Variants in SLC39A3 observed in about 807,000 individuals in gnomAD.
The protein encoded by SLC39A3 is zinc transporter ZIP3.
Under a neutral mutation model 5.1 loss-of-function variants are expected in SLC39A3, and 3 were observed. The observed-to-expected ratio is 0.59, with a 90% confidence interval of 0.27 to 1.54. The LOEUF (loss-of-function observed/expected upper bound fraction) is 1.54, where lower values mean the gene tolerates loss of function less well. SLC39A3 is among the 40% of genes most tolerant of loss of function. SLC39A3 has a pLI of 0.12. For missense variants in SLC39A3, 412 were observed against 436.4 expected (o/e 0.94, Z 0.50); for synonymous variants, 250 against 218.8 (o/e 1.14, Z -1.26).
Position 2,734,340 on chromosome 19 carries a change from T to C in SLC39A3, c.211-855A>G, listed in dbSNP as rs117025281. The stretch of plus-strand genomic sequence containing the variant: ...TCACAACACAATCGACACTCAACAA[T>C]GCCTGCTTCCCTGCTTCCTTCCCAG... On this transcript the variant is annotated intron_variant, in intron 2 of 2. Coordinates refer to ENST00000269740, the MANE Select transcript of SLC39A3 (RefSeq NM_144564.5). This position sits in a 1 kb window ranked among gnomAD's most constrained non-coding sequence, Gnocchi z 4.6. 4.0e-3 allele frequency among the ~76,000 whole-genome samples: 603 copies of C among 152,248 alleles called. 2 individuals carry two copies. Among genetic ancestry groups the C allele is most frequent in the Non-Finnish European group, 7.7e-3 (522 of 68,014 alleles).
chr19:2,737,531 T>G, intron 1 of SLC39A3, 152 bp from the exon 2 acceptor site: 1 of 450,040 alleles, frequency 2.2e-6, no homozygotes, highest in South Asian at 2.8e-5. Flanking sequence ...TTCTCCTGCC[T>G]AGTAGCTGGG....
rs1272836652 is a variant in SLC39A3 at position 2,733,024 on chromosome 19, C to T, written c.672G>A (p.Met224Ile). The T allele has an allele frequency of 5.0e-6, 8 of 1,605,378 alleles. No homozygotes were observed. In the African/African-American group the frequency reaches 6.7e-5, roughly 13 times the overall value. The change falls in exon 3 of 3, where the codon ATG becomes ATA. Residue 224 changes from methionine to isoleucine, a missense_variant. Met to Ile is a conservative substitution (Grantham distance 10). Transcript: ENST00000269740. This position sits in a 1 kb window ranked among gnomAD's most constrained non-coding sequence, Gnocchi z 6.1. ...ALGISMARSA[M>I]PLRDAAKLAV... is the part of the protein sequence containing the mutation. The stretch of plus-strand genomic sequence containing the variant: ...CCAGCTTGGCCGCGTCCCGCAGGGG[C>T]ATGGCACTCCGGGCCATGCTGATGC...
Position 2,734,715 on chromosome 19 carries a change from C to G in SLC39A3, c.211-1230G>C. On this transcript the variant is annotated intron_variant, in intron 2 of 2. Coordinates refer to ENST00000269740, the MANE Select transcript of SLC39A3 (RefSeq NM_144564.5). This position sits in a 1 kb window ranked among gnomAD's most constrained non-coding sequence, Gnocchi z 4.6. Reference sequence around the variant, plus strand: ...CAACCACAATGTCCCCAGGCATCGCCCAGTGTTCCCTGGGGGCAGTTCACG... The same window carrying G: ...CAACCACAATGTCCCCAGGCATCGCGCAGTGTTCCCTGGGGGCAGTTCACG... 1.0e-6 allele frequency: 1 copy of G among 984,478 alleles called. No individual in the cohort carries two copies. Among genetic ancestry groups the G allele is most frequent in the Non-Finnish European group, 1.2e-6 (1 of 829,046 alleles). 61.0% of individuals were successfully genotyped at this position (984,478 alleles called of 1,614,324 possible).
chr19:2,734,566 G>A lies in SLC39A3; in HGVS notation c.211-1081C>T, dbSNP rs1914300183. 1 of 186,812 alleles carries A rather than the reference G, an allele frequency of 5.4e-6. No homozygotes were observed. Among genetic ancestry groups the A allele is most frequent in the Non-Finnish European group, 1.0e-5 (1 of 99,486 alleles). 11.6% of individuals were successfully genotyped at this position (186,812 alleles called of 1,614,324 possible). ...TTTATTTTCACAACTCGGGTAGGGG[G>A]AAGGTGCTGACATTCGGGGCTGGAT... On this transcript the variant is annotated intron_variant, in intron 2 of 2. Coordinates refer to ENST00000269740, the MANE Select transcript of SLC39A3 (RefSeq NM_144564.5). The surrounding 1 kb of genome is among the most constrained non-coding windows in gnomAD (Gnocchi z 4.6).
rs1011504130 is a variant in SLC39A3, at chr19:2,734,079, G to A, written c.211-594C>T. Among the ~76,000 whole-genome samples, 1 of 152,230 alleles carries A rather than the reference G, an allele frequency of 6.6e-6. No homozygotes were observed. Among genetic ancestry groups the A allele is most frequent in the Non-Finnish European group, 1.5e-5 (1 of 68,042 alleles). ...TAGCGAGGGGAGACTTTGGTGGGGAGAAACTAGACGTGGGTCAGACGGGAG... is the reference window on the plus strand; with the variant it reads ...TAGCGAGGGGAGACTTTGGTGGGGAAAAACTAGACGTGGGTCAGACGGGAG... On this transcript the variant is annotated intron_variant, in intron 2 of 2. Coordinates refer to ENST00000269740, the MANE Select transcript of SLC39A3 (RefSeq NM_144564.5). This position sits in a 1 kb window ranked among gnomAD's most constrained non-coding sequence, Gnocchi z 4.6.
At position 2,732,910 on chromosome 19, in the gene SLC39A3, G is replaced by A. The variant is rs200692716; in HGVS notation, c.786C>T (p.Ser262=). 1.2e-5 allele frequency: 19 copies of A among 1,611,376 alleles called. No individual in the cohort carries two copies. Among genetic ancestry groups the A allele is most frequent in the Middle Eastern group, 3.3e-4 (2 of 6,056 alleles). ...SAQGVPGSVA[S]VLLQGLAGGT... ...CGCCCGCCAGGCCCTGCAGCAGCAC[G>A]GACGCCACGCTGCCCGGCACGCCCT... is the stretch of plus-strand genomic sequence containing the variant. The change falls in exon 3 of 3, where the codon TCC becomes TCT. Residue 262 remains serine, a synonymous_variant. Coordinates refer to ENST00000269740, the MANE Select transcript of SLC39A3 (RefSeq NM_144564.5).
At chr19:2,736,164 T>C in intron 2 of SLC39A3, 1 of 985,538 alleles carries the variant, frequency 1.0e-6, no homozygotes, top group South Asian at 4.7e-5. Flanking sequence ...CAGCAGAGGA[T>C]GATGCTGTCA....
At position 2,735,681 on chromosome 19, in the gene SLC39A3, A is replaced by T; in HGVS notation, c.210+1367T>A. 1 of 285,270 alleles carries T rather than the reference A, an allele frequency of 3.5e-6. No homozygotes were observed. The highest frequency in any genetic ancestry group is 5.3e-6 in the Non-Finnish European group (1 of 190,136). The allele number at this position is 285,270 out of a possible 1,614,324, so 17.7% of individuals were successfully genotyped here. On this transcript the variant is annotated intron_variant, in intron 2 of 2. Transcript: ENST00000269740. This position sits in a 1 kb window ranked among gnomAD's most constrained non-coding sequence, Gnocchi z 5.7. Reference sequence around the variant, plus strand: ...ATCTGGGGCGGTCATCACAGCTGCAACATCCCCTCTGCTGGGATTCTGACA... The same window carrying T: ...ATCTGGGGCGGTCATCACAGCTGCATCATCCCCTCTGCTGGGATTCTGACA...
At chr19:2,736,766 G>T in intron 2 of SLC39A3, 1 of 1,439,298 alleles carries the variant, frequency 6.9e-7, no homozygotes. Flanking sequence ...TCAGGACAGA[G>T]TGTGCCCTAC....
Position 2,732,670 on chromosome 19 carries a change from G to GA in SLC39A3, c.*80dup. 1 of 1,433,440 alleles carries GA rather than the reference G, an allele frequency of 7.0e-7. No individual in the cohort carries two copies. The highest frequency in any genetic ancestry group is 1.7e-5 in the African/African-American group (1 of 58,980). The allele number at this position is 1,433,440 out of a possible 1,614,324, so 88.8% of individuals were successfully genotyped here. ...AGGGCCACAGTGCTCGCTCTTGGGG[G>GA]ACGCGCGGCCGGGGGACGCGGCCTG... On this transcript the variant is annotated 3_prime_UTR_variant, in exon 3 of 3. Coordinates refer to ENST00000269740, the MANE Select transcript of SLC39A3 (RefSeq NM_144564.5).
In SLC39A3 at chr19:2,737,118, C is replaced by CAG. The variant is rs1465649714; in HGVS notation, c.138_139dup (p.Cys47SerfsTer22). The CAG allele has an allele frequency of 6.2e-7, 1 of 1,614,184 alleles. No individual in the cohort carries two copies. The highest frequency in any genetic ancestry group is 8.5e-7 in the Non-Finnish European group (1 of 1,180,028). On this transcript the variant is annotated frameshift_variant, in exon 2 of 3. Transcript: ENST00000269740. LOFTEE classifies it high-confidence loss of function. Reference sequence around the variant, plus strand: ...AAACACCCCTCCTCCAAAGGTGTTGCAGAGAGAGAGGATCTTTTTCGAGCG... The same window carrying CAG: ...AAACACCCCTCCTCCAAAGGTGTTGCAGAGAGAGAGAGGATCTTTTTCGAGCG...
Position 2,735,745 on chromosome 19 carries a change from C to T in SLC39A3, c.210+1303G>A. On this transcript the variant is annotated intron_variant, in intron 2 of 2. Transcript: ENST00000269740. This position sits in a 1 kb window ranked among gnomAD's most constrained non-coding sequence, Gnocchi z 5.7. ...GACACGCACGGCAGTCCCAGCCCTA[C>T]CCACACTCGAGGGGAGGGAAGAGCA... The T allele has an allele frequency of 1.4e-6, 1 of 738,362 alleles. No individual in the cohort carries two copies. The highest frequency in any genetic ancestry group is 1.7e-6 in the Non-Finnish European group (1 of 605,020). The allele number at this position is 738,362 out of a possible 1,614,324, so 45.7% of individuals were successfully genotyped here. A position where few individuals can be genotyped will look rare whatever the true frequency, so the allele number is the denominator to read the frequency against.
chr19:2,733,118 T>C lies in SLC39A3; in HGVS notation c.578A>G (p.Glu193Gly). The stretch of plus-strand genomic sequence containing the variant: ...GAACAGGCTCACCACTTTCTCCCCC[T>C]CCTCCTGCAGGCCCAGGGCCAGGCC... ...FEGLALGLQEEGEKVVSLFVG... is the reference protein window; with the variant it reads ...FEGLALGLQEGGEKVVSLFVG... Residue 193 changes from glutamate to glycine, a missense_variant, in exon 3 of 3, where the codon GAG becomes GGG. By Grantham distance (98) the Glu-to-Gly change is moderately conservative. Coordinates refer to ENST00000269740, the MANE Select transcript of SLC39A3 (RefSeq NM_144564.5). The surrounding 1 kb of genome is among the most constrained non-coding windows in gnomAD (Gnocchi z 6.1). The C allele has an allele frequency of 1.2e-6, 2 of 1,609,514 alleles. No homozygotes were observed. The highest frequency in any genetic ancestry group is 2.7e-5 in the African/African-American group (2 of 74,420).
rs975669105 is a variant in SLC39A3 at position 2,735,984 on chromosome 19, C to T, written c.210+1064G>A. ...GAAGAACAGGGGGTCCTCATATCTC[C>T]ACCAAGTATGTAACCAACACAAATT... is the stretch of plus-strand genomic sequence containing the variant. On this transcript the variant is annotated intron_variant, in intron 2 of 2. Coordinates refer to ENST00000269740, the MANE Select transcript of SLC39A3 (RefSeq NM_144564.5). The surrounding 1 kb of genome is among the most constrained non-coding windows in gnomAD (Gnocchi z 5.7). 1 of 985,340 alleles carries T rather than the reference C, an allele frequency of 1.0e-6. No homozygotes were observed. Among genetic ancestry groups the T allele is most frequent in the African/African-American group, 1.7e-5 (1 of 57,244 alleles). 61.0% of individuals were successfully genotyped at this position (985,340 alleles called of 1,614,324 possible).
chr19:2,732,545 AAAG>A lies in SLC39A3; in HGVS notation c.*203_*205del. On this transcript the variant is annotated 3_prime_UTR_variant, in exon 3 of 3. Transcript: ENST00000269740. ...CAGCTTTGGTAAAGACTTTTAAGAG[AAAG>A]AAGTATTTTAAAAAGTAGCAGTGCT... 4 of 1,427,342 alleles carry A rather than the reference AAAG, an allele frequency of 2.8e-6. No homozygotes were observed. Among genetic ancestry groups the A allele is most frequent in the Non-Finnish European group, 3.7e-6 (4 of 1,095,358 alleles). The allele number at this position is 1,427,342 out of a possible 1,614,324, so 88.4% of individuals were successfully genotyped here. A position where few individuals can be genotyped will look rare whatever the true frequency, so the allele number is the denominator to read the frequency against.
chr19:2,738,482 G>C (rs111311797), intron 1 of SLC39A3, among the ~76,000 whole-genome samples: 5,373 of 152,204 alleles, frequency 0.035, 142 homozygotes, highest in Non-Finnish European at 0.053. Flanking sequence ...TCCTTTCTGT[G>C]CCAAGCTTGC....
chr19:2,733,670 G>A lies in SLC39A3; in HGVS notation c.211-185C>T, dbSNP rs370637462. On this transcript the variant is annotated intron_variant, in intron 2 of 2. Transcript: ENST00000269740. This position sits in a 1 kb window ranked among gnomAD's most constrained non-coding sequence, Gnocchi z 6.1. ...AACACCACCACCACCAGCCAAGCGC[G>A]GTGGCTCATGCCTGTGACCCCAGCA... Among the ~76,000 whole-genome samples the A allele has an allele frequency of 4.6e-5, 7 of 152,200 alleles. No homozygotes were observed. Among genetic ancestry groups the A allele is most frequent in the Admixed American group, 1.3e-4 (2 of 15,282 alleles).
At position 2,734,005 on chromosome 19, in the gene SLC39A3, C is replaced by T. The variant is rs929735495; in HGVS notation, c.211-520G>A. ...CTGCCGCGGGGCCTCCTCTCTGCTTCCCTGACCGACATGCCTGGGCCCGAC... is the reference window on the plus strand; with the variant it reads ...CTGCCGCGGGGCCTCCTCTCTGCTTTCCTGACCGACATGCCTGGGCCCGAC... On this transcript the variant is annotated intron_variant, in intron 2 of 2. Transcript: ENST00000269740. This position sits in a 1 kb window ranked among gnomAD's most constrained non-coding sequence, Gnocchi z 4.6. Among the ~76,000 whole-genome samples the T allele has an allele frequency of 1.3e-5, 2 of 152,234 alleles. No homozygotes were observed. Among genetic ancestry groups the T allele is most frequent in the Non-Finnish European group, 2.9e-5 (2 of 68,044 alleles).
rs142924600 is a variant in SLC39A3, at chr19:2,734,676, AC to A, written c.211-1192del. 4,704 of 948,298 alleles carry A rather than the reference AC, an allele frequency of 5.0e-3. 177 individuals are homozygous for A. In the African/African-American group the frequency reaches 0.078, roughly 16 times the overall value. The allele number at this position is 948,298 out of a possible 1,614,324, so 58.7% of individuals were successfully genotyped here. On this transcript the variant is annotated intron_variant, in intron 2 of 2. Transcript: ENST00000269740. The surrounding 1 kb of genome is among the most constrained non-coding windows in gnomAD (Gnocchi z 4.6). ...CCTCCACCCACTCCAGGCCAGGAGC[AC>A]CCCCCATCGTGACAACCACAATGTC...
Sources: allele counts gnomAD v4.1 joint callset (sites outside exome capture counted in the v4.1 genomes callset), GRCh38; gene constraint gnomAD v4.1.1; non-coding constraint Gnocchi (gnomAD v3.1); transcripts MANE v1.5; gene names NCBI Gene and HGNC (gene_info 2026-07-23, HGNC 2026-07-21).